The following SIL1 variants were observed in gnomAD, a reference collection of about 807,000 sequenced individuals.
The protein encoded by SIL1 is SIL1 nucleotide exchange factor.
In SIL1, 40 loss-of-function variants were observed where a neutral mutation model predicts 49.1. That is an observed-to-expected ratio of 0.81 (90% CI 0.63 to 1.06). The LOEUF (loss-of-function observed/expected upper bound fraction) is 1.06, where lower values mean the gene tolerates loss of function less well. Among genes scored for constraint, SIL1 ranks in the 50% least tolerant of loss-of-function variants. The probability of loss-of-function intolerance (pLI) is 0.00; values close to 1 mark genes in which losing one functional copy is unlikely to be tolerated. For missense variants in SIL1, 500 were observed against 572.6 expected, an observed-to-expected ratio of 0.87 and a Z score of 1.29; for synonymous variants, 253 against 250.8, an observed-to-expected ratio of 1.01 and a Z score of -0.08.
chr5:139,024,257 C>G (rs1457275466), intron 6 of SIL1, among the ~76,000 whole-genome samples: 1 of 152,212 alleles, frequency 6.6e-6, no homozygotes. Context: ...CCCTTATATC[C>G]TTAATCCTTT....
intron 1 of SIL1, among the ~76,000 whole-genome samples, chr5:139,155,099 A>G (rs1212529547): frequency 3.9e-5 from 6 of 152,232 alleles, no homozygotes; most frequent in South Asian, 4.1e-4. Context: ...TAAAAATAAT[A>G]TTATTCTATC....
chr5:139,000,131 T>C (rs1330046274), intron 7 of SIL1, among the ~76,000 whole-genome samples: 4 of 152,194 alleles, frequency 2.6e-5, no homozygotes, highest in African/African-American at 9.7e-5. Context: ...TATTATGAGG[T>C]ATGTTCCTTC....
chr5:138,954,352 G>T (rs575771594), intron 7 of SIL1, among the ~76,000 whole-genome samples: 3 of 152,390 alleles, frequency 2.0e-5, no homozygotes, highest in Non-Finnish European at 2.9e-5. Context: ...GGCTGTGACA[G>T]TGCACAGCCT....
chr5:138,985,635 CA>C (rs1767634454), intron 7 of SIL1, among the ~76,000 whole-genome samples: 1 of 152,190 alleles, frequency 6.6e-6, no homozygotes, highest in East Asian at 1.9e-4. Flanking sequence ...CTTGTTTTCA[CA>C]GAGACTTAAA....
At chr5:139,134,609 A>G (rs1425912149) in intron 1 of SIL1, among the ~76,000 whole-genome samples, 17 of 152,196 alleles carry the variant, frequency 1.1e-4, no homozygotes. Flanking sequence ...TACTCCCAGG[A>G]GGTAAAGGAA....
intron 7 of SIL1, among the ~76,000 whole-genome samples, chr5:138,987,175 C>T (rs2150403193): frequency 6.6e-6 from 1 of 150,704 alleles, no homozygotes; most frequent in East Asian, 2.0e-4. Context: ...GGCTGGAGTG[C>T]AGTGGCATGA....
intron 1 of SIL1, among the ~76,000 whole-genome samples, chr5:139,171,362 A>G (rs896462962): frequency 2.0e-5 from 3 of 152,212 alleles, no homozygotes; most frequent in Admixed American, 6.5e-5. Context: ...ACTAAGAAAA[A>G]TTCTTCTGCC....
rs1768379919 is a variant in SIL1, at chr5:139,015,538, A to G, written c.767+5633T>C. 3.3e-5 allele frequency among the ~76,000 whole-genome samples: 5 copies of G among 152,340 alleles called. No homozygotes were observed. The South Asian group carries it at 1.0e-3, about 32-fold the overall frequency. ...CACGAAAGTGGCTAAACTACATCAT[A>G]AATAACCCAGTTTCCTCCTCCTGTC... On this transcript the variant is annotated intron_variant, in intron 7 of 9. Coordinates refer to ENST00000394817, the MANE Select transcript of SIL1 (RefSeq NM_022464.5).
intron 3 of SIL1, among the ~76,000 whole-genome samples, chr5:139,108,654 C>T (rs115253002): frequency 2.0e-3 from 301 of 152,306 alleles, no homozygotes; most frequent in Non-Finnish European, 2.7e-3. Flanking sequence ...TCTGGCAACG[C>T]TAATGTGTTT....
intron 3 of SIL1, among the ~76,000 whole-genome samples, chr5:139,094,899 T>G (rs763189707): frequency 6.6e-6 from 1 of 152,224 alleles, no homozygotes; most frequent in African/African-American, 2.4e-5. Flanking sequence ...AAAACCATGA[T>G]AGTTTGCAGA....
intron 7 of SIL1, among the ~76,000 whole-genome samples, chr5:139,011,320 C>A (rs1379755052): frequency 6.6e-6 from 1 of 152,236 alleles, no homozygotes; most frequent in East Asian, 1.9e-4. Flanking sequence ...CCTGCTTCGG[C>A]TCCCGCACCG....
chr5:139,046,142 C>T (rs1227112853), intron 4 of SIL1, among the ~76,000 whole-genome samples: 1 of 152,202 alleles, frequency 6.6e-6, no homozygotes, highest in Non-Finnish European at 1.5e-5. Flanking sequence ...GCCTGGCCAA[C>T]ATGGTGAAAC....
At chr5:139,097,617 A>T (rs2151780261) in intron 3 of SIL1, among the ~76,000 whole-genome samples, 1 of 151,934 alleles carries the variant, frequency 6.6e-6, no homozygotes, top group Non-Finnish European at 1.5e-5. Context: ...AGCTGGGACT[A>T]CAGGAACACG....
At chr5:139,084,118 GC>G (rs1311881728) in intron 3 of SIL1, among the ~76,000 whole-genome samples, 1 of 151,324 alleles carries the variant, frequency 6.6e-6, no homozygotes, top group Non-Finnish European at 1.5e-5. Context: ...GTAGTGTGAT[GC>G]CTCCAGCTTT....
At chr5:139,045,615 T>C (rs1315675314) in intron 4 of SIL1, among the ~76,000 whole-genome samples, 1 of 152,222 alleles carries the variant, frequency 6.6e-6, no homozygotes, top group Non-Finnish European at 1.5e-5. Context: ...CAGACTCTTG[T>C]ACAACTACCT....
intron 1 of SIL1, among the ~76,000 whole-genome samples, chr5:139,157,336 C>A (rs964140986): frequency 2.0e-5 from 3 of 152,182 alleles, no homozygotes; most frequent in Non-Finnish European, 1.5e-5. Flanking sequence ...ACAATTTCTC[C>A]TTTCCCACAG....
chr5:139,094,368 G>T (rs1581095135), intron 3 of SIL1, among the ~76,000 whole-genome samples: 1 of 152,218 alleles, frequency 6.6e-6, no homozygotes, highest in South Asian at 2.1e-4. Context: ...AGATCCAGAT[G>T]TGAGCAAGAC....
intron 1 of SIL1, chr5:139,137,227 AAGTATT>A (rs377254449): frequency 1.5e-6 from 1 of 654,606 alleles, no homozygotes; most frequent in African/African-American, 1.8e-5. Flanking sequence ...GTTGCAAGCA[AAGTATT>A]AGTTCATTTA....
intron 7 of SIL1, among the ~76,000 whole-genome samples, chr5:139,003,725 T>C (rs537003910): frequency 6.6e-6 from 1 of 152,300 alleles, no homozygotes; most frequent in African/African-American, 2.4e-5. Flanking sequence ...TGAAAGCTGG[T>C]AGGAGGTAAG....
Sources: gnomAD v4.1 joint callset for allele counts (sites outside exome capture counted in the v4.1 genomes callset) on GRCh38, gnomAD v4.1.1 for gene constraint, MANE v1.5 for transcripts, NCBI Gene and HGNC (gene_info 2026-07-23, HGNC 2026-07-21) for gene names.